Variants in SGSM1 observed in about 807,000 individuals in gnomAD.
SGSM1 encodes RUN and TBC1 domain containing 2.
SGSM1 carries 73 observed loss-of-function variants against 133.8 expected under a neutral mutation model. The ratio of observed to expected loss-of-function variants is 0.55; its 90% confidence interval spans 0.45 to 0.66. SGSM1 has a LOEUF of 0.66. Among genes scored for constraint, SGSM1 ranks in the 30% least tolerant of loss-of-function variants. The probability of loss-of-function intolerance (pLI) is 0.00; values close to 1 mark genes in which losing one functional copy is unlikely to be tolerated. For synonymous variants in SGSM1, 563 were observed against 573.0 expected (o/e 0.98, Z 0.25); for missense variants, 1,213 against 1,448.1 (o/e 0.84, Z 2.64).
chr22:24,892,586 T>C (rs1932833466), intron 16 of SGSM1, among the ~76,000 whole-genome samples: 1 of 152,066 alleles, frequency 6.6e-6, no homozygotes, highest in Non-Finnish European at 1.5e-5. Context: ...AGGTCATGCG[T>C]TGATTGAGTG....
chr22:24,879,913 G>C (rs888784624), intron 14 of SGSM1, among the ~76,000 whole-genome samples: 1 of 152,068 alleles, frequency 6.6e-6, no homozygotes, highest in African/African-American at 2.4e-5. Context: ...TCCTTCTCTC[G>C]TGGGCAGAAA....
chr22:24,862,710 A>G (rs1168294897), intron 9 of SGSM1, among the ~76,000 whole-genome samples: 1 of 152,206 alleles, frequency 6.6e-6, no homozygotes, highest in South Asian at 2.1e-4. Context: ...CTCAGAGCTT[A>G]CATTCTACTG....
rs1050708896 is a variant in SGSM1, at chr22:24,818,257, AAAAC to A, written c.63+11781_63+11784del. On this transcript the variant is annotated intron_variant, in intron 2 of 24. Transcript: ENST00000400358. ...AAAAAAAAAAAAAATAAAATAAAATAAAACAAACAAAAAACAGTACTAATCCCAT... is the reference window on the plus strand; with the variant it reads ...AAAAAAAAAAAAAATAAAATAAAATAAAACAAAAAACAGTACTAATCCCAT... 7.4e-3 allele frequency among the ~76,000 whole-genome samples: 1,120 copies of A among 151,906 alleles called. 12 individuals are homozygous for A. Among genetic ancestry groups the A allele is most frequent in the African/African-American group, 0.026 (1,065 of 41,384 alleles).
chr22:24,872,771 T>C (rs145352243), intron 12 of SGSM1, among the ~76,000 whole-genome samples: 1 of 151,920 alleles, frequency 6.6e-6, no homozygotes, highest in African/African-American at 2.4e-5. Flanking sequence ...TACAAAAAAC[T>C]AGCCGGGCGT....
At chr22:24,875,056 G>A (rs998414103) in intron 12 of SGSM1, among the ~76,000 whole-genome samples, 7 of 152,152 alleles carry the variant, frequency 4.6e-5, no homozygotes, top group South Asian at 2.1e-4. Context: ...TGTCAGCTAC[G>A]GAGCTCTGAT....
At chr22:24,841,157 T>C (rs938764008) in intron 2 of SGSM1, among the ~76,000 whole-genome samples, 1 of 152,248 alleles carries the variant, frequency 6.6e-6, no homozygotes, top group African/African-American at 2.4e-5. Flanking sequence ...GCTGTGTTTT[T>C]GTTTTTATTT....
rs563295059 is a variant in SGSM1, at chr22:24,897,945, A to C, written c.2023-27A>C. 5.4e-5 allele frequency: 84 copies of C among 1,554,006 alleles called. 1 individual carries two copies. In the Admixed American group the frequency reaches 1.2e-3, roughly 22 times the overall value. On this transcript the variant is annotated intron_variant, in intron 18 of 24. Transcript: ENST00000400358. ...AATGCTGCAGTCGACATGCCGGTCCATCTGTTTTTGTGCACCTTGTCCTCA... is the reference window on the plus strand; with the variant it reads ...AATGCTGCAGTCGACATGCCGGTCCCTCTGTTTTTGTGCACCTTGTCCTCA...
At chr22:24,922,402 G>A (rs372237584) in intron 24 of SGSM1, among the ~76,000 whole-genome samples, 4 of 150,520 alleles carry the variant, frequency 2.7e-5, no homozygotes, top group African/African-American at 4.9e-5. Flanking sequence ...GGATGGTCTC[G>A]ATCTCTTGAC....
intron 2 of SGSM1, among the ~76,000 whole-genome samples, chr22:24,824,179 C>G (rs868685498): frequency 4.6e-5 from 7 of 152,034 alleles, no homozygotes; most frequent in Non-Finnish European, 1.0e-4. Context: ...CCCTGCAGGA[C>G]TGGGGGATTT....
intron 9 of SGSM1, among the ~76,000 whole-genome samples, chr22:24,863,845 G>A (rs1235077061): frequency 6.6e-6 from 1 of 151,288 alleles, no homozygotes; most frequent in Non-Finnish European, 1.5e-5. Flanking sequence ...AGGTTCAAGC[G>A]ATTTTCCTGC....
At chr22:24,863,521 G>A (rs1158828637) in intron 9 of SGSM1, among the ~76,000 whole-genome samples, 1 of 152,084 alleles carries the variant, frequency 6.6e-6, no homozygotes, top group Non-Finnish European at 1.5e-5. Context: ...CCCAGGAGCT[G>A]GGGCATCTCT....
intron 22 of SGSM1, 88 bp from the exon 23 acceptor site, chr22:24,917,570 G>C (rs1006953544): frequency 2.3e-6 from 2 of 858,308 alleles, no homozygotes; most frequent in Non-Finnish European, 3.8e-6. Context: ...ATGGTGTCTG[G>C]TGTGTGGATG....
chr22:24,806,400 C>T (rs998159044), intron 1 of SGSM1, 41 bp from the exon 2 acceptor site: 3 of 1,517,686 alleles, frequency 2.0e-6, no homozygotes, highest in African/African-American at 2.9e-5. Context: ...CCCCCGCACC[C>T]TCTCTCGGCT....
intron 19 of SGSM1, among the ~76,000 whole-genome samples, chr22:24,900,236 G>T (rs1423822313): frequency 6.6e-6 from 1 of 151,874 alleles, no homozygotes; most frequent in Non-Finnish European, 1.5e-5. Flanking sequence ...TGCTCAGGCT[G>T]GTCTTGAACT....
At chr22:24,827,136 G>A (rs899117338) in intron 2 of SGSM1, among the ~76,000 whole-genome samples, 1 of 152,128 alleles carries the variant, frequency 6.6e-6, no homozygotes, top group African/African-American at 2.4e-5. Flanking sequence ...GCCCAGTGTG[G>A]GGAGGCAGGG....
chr22:24,897,538 G>A (rs1186048074), intron 18 of SGSM1, among the ~76,000 whole-genome samples: 1 of 152,214 alleles, frequency 6.6e-6, no homozygotes, highest in Non-Finnish European at 1.5e-5. Context: ...GATGGTCACA[G>A]CTCACTGAAG....
At chr22:24,845,982 T>C (rs1261602558) in intron 3 of SGSM1, among the ~76,000 whole-genome samples, 1 of 148,090 alleles carries the variant, frequency 6.8e-6, no homozygotes, top group Admixed American at 6.8e-5. Flanking sequence ...TCTTTCTTTC[T>C]TTCTTTCTTT....
intron 16 of SGSM1, among the ~76,000 whole-genome samples, chr22:24,888,620 A>G (rs1026253969): frequency 2.0e-5 from 3 of 152,048 alleles, no homozygotes; most frequent in African/African-American, 4.8e-5. Flanking sequence ...ATACAAAACA[A>G]AAACAAAAAT....
In SGSM1 at chr22:24,895,270, C is replaced by G; in HGVS notation, c.2001C>G (p.Ser667Arg). The change falls in exon 18 of 25, where the codon AGC (serine) becomes AGG (arginine). Residue 667 changes from serine to arginine, a missense_variant. Coordinates refer to ENST00000400358, the MANE Select transcript of SGSM1 (RefSeq NM_001098497.3). Reference sequence around the variant, plus strand: ...GCCGCCAGAACATCCGCCTGCACAGCGACTCCAGCAGCAGCACACAGGTGA... The same window carrying G: ...GCCGCCAGAACATCCGCCTGCACAGGGACTCCAGCAGCAGCACACAGGTGA... ...SSGRQNIRLH[S>R]DSSSSTQVFE... 6.2e-7 allele frequency: 1 copy of G among 1,612,026 alleles called. No individual in the cohort carries two copies. Among genetic ancestry groups the G allele is most frequent in the Non-Finnish European group, 8.5e-7 (1 of 1,179,212 alleles).
Sources: allele counts gnomAD v4.1 joint callset (sites outside exome capture counted in the v4.1 genomes callset), GRCh38; gene constraint gnomAD v4.1.1; transcripts MANE v1.5; gene names NCBI Gene and HGNC (gene_info 2026-07-23, HGNC 2026-07-21).